RORA: variants seen among roughly 807,000 people sequenced by gnomAD.
RORA encodes the protein RAR related orphan receptor A, also known as nuclear receptor ROR-alpha.
In RORA, 7 loss-of-function variants were observed where a neutral mutation model predicts 69.5. The ratio of observed to expected loss-of-function variants is 0.10; its 90% CI spans 0.06 to 0.19. RORA has a LOEUF of 0.19. Ranked by LOEUF, RORA falls within the 10% of genes least tolerant of loss-of-function variation. The pLI, the probability that RORA is intolerant of heterozygous loss-of-function variation, is 1.00. For missense variants in RORA, 457 were observed against 663.0 expected, an observed-to-expected ratio of 0.69 and a Z score of 3.41; for synonymous variants, 261 against 240.8, an observed-to-expected ratio of 1.08 and a Z score of -0.78.
intron 2 of RORA, among the ~76,000 whole-genome samples, chr15:60,549,595 C>T (rs1269214316): frequency 1.3e-5 from 2 of 152,000 alleles, no homozygotes; most frequent in Non-Finnish European, 2.9e-5. Context: ...TTTTAAACAC[C>T]AAGGTAAATT....
chr15:60,958,509 T>C (rs193218608), intron 1 of RORA, among the ~76,000 whole-genome samples: 2 of 152,330 alleles, frequency 1.3e-5, no homozygotes, highest in Admixed American at 1.3e-4. Context: ...TTGCCTAGCG[T>C]AGATGCTCAT....
chr15:60,963,559 G>A (rs967628473), intron 1 of RORA, among the ~76,000 whole-genome samples: 4 of 152,346 alleles, frequency 2.6e-5, no homozygotes, highest in Non-Finnish European at 4.4e-5. Flanking sequence ...CCTGGACGGG[G>A]TAAGCCAATA....
chr15:60,949,235 C>A (rs765261171), intron 1 of RORA, among the ~76,000 whole-genome samples: 2 of 152,110 alleles, frequency 1.3e-5, no homozygotes, highest in South Asian at 2.1e-4. Context: ...CTGAACCCCA[C>A]GTGATTCCCA....
intron 2 of RORA, among the ~76,000 whole-genome samples, chr15:60,654,527 G>A (rs1046102640): frequency 2.6e-5 from 4 of 152,178 alleles, no homozygotes; most frequent in Non-Finnish European, 4.4e-5. Context: ...AGTAAACTGA[G>A]TAATGTGTCC....
intron 1 of RORA, among the ~76,000 whole-genome samples, chr15:61,098,373 G>A (rs575216811): frequency 1.0e-3 from 150 of 150,424 alleles, no homozygotes; most frequent in Admixed American, 2.1e-3. Context: ...ACAAGGTCTG[G>A]CTTTGTCACC....
chr15:60,979,345 GTCAGCTTGAATTTTAGGA>G (rs1893970962), intron 1 of RORA, among the ~76,000 whole-genome samples: 3 of 142,178 alleles, frequency 2.1e-5, no homozygotes, highest in South Asian at 2.2e-4. Context: ...GAATTTTAGG[GTCAGCTTGAATTTTAGGA>G]TCAGCTTGAA....
intron 1 of RORA, among the ~76,000 whole-genome samples, chr15:61,079,406 A>G (rs2078503957): frequency 6.6e-6 from 1 of 152,206 alleles, no homozygotes; most frequent in Admixed American, 6.5e-5. Context: ...TTTCTCCATG[A>G]CATAAGCCTG....
chr15:60,581,793 A>T (rs1026690125), intron 2 of RORA, among the ~76,000 whole-genome samples: 5 of 152,234 alleles, frequency 3.3e-5, no homozygotes, highest in Admixed American at 3.3e-4. Context: ...CCAAGTTTTT[A>T]AAGATGCCAG....
intron 1 of RORA, among the ~76,000 whole-genome samples, chr15:60,979,278 T>TA (rs1279162371): frequency 4.8e-5 from 2 of 41,642 alleles, no homozygotes; most frequent in South Asian, 7.4e-4. Context: ...CTTTTTTTTT[T>TA]TTTTTTTTTT....
At chr15:60,680,966 T>C (rs1451313391) in intron 1 of RORA, among the ~76,000 whole-genome samples, 3 of 152,214 alleles carry the variant, frequency 2.0e-5, no homozygotes, top group Non-Finnish European at 2.9e-5. Context: ...GTGCATGATA[T>C]TTAATTTTTT....
chr15:61,215,757 G>A (rs548200885), intron 1 of RORA, among the ~76,000 whole-genome samples: 8 of 152,140 alleles, frequency 5.3e-5, no homozygotes, highest in Non-Finnish European at 1.0e-4. Context: ...CAATATTATA[G>A]GACTGGGGTT....
intron 1 of RORA, among the ~76,000 whole-genome samples, chr15:61,114,922 G>C (rs573406967): frequency 1.0e-3 from 153 of 152,326 alleles, no homozygotes; most frequent in African/African-American, 3.6e-3. Flanking sequence ...CTCATCATTA[G>C]AGTTATGCTT....
At chr15:60,964,374 G>A (rs1893492418) in intron 1 of RORA, among the ~76,000 whole-genome samples, 1 of 152,166 alleles carries the variant, frequency 6.6e-6, no homozygotes, top group African/African-American at 2.4e-5. Context: ...CCTAGGATTC[G>A]GGTATGGCTG....
intron 2 of RORA, among the ~76,000 whole-genome samples, chr15:60,668,611 G>A (rs982009567): frequency 6.6e-6 from 1 of 152,166 alleles, no homozygotes; most frequent in African/African-American, 2.4e-5. Context: ...AGAGGCACTG[G>A]TGTTATCCTG....
rs894159920 is a variant in RORA, at chr15:60,985,619, T to A, written c.166+243434A>T. 4.7e-5 allele frequency among the ~76,000 whole-genome samples: 6 copies of A among 127,800 alleles called. No individual in the cohort carries two copies. The East Asian group carries it at 1.4e-3, about 29-fold the overall frequency. 83.8% of individuals were successfully genotyped at this position (127,800 alleles called of 152,430 possible). A position where few individuals can be genotyped will look rare whatever the true frequency, so the allele number is the denominator to read the frequency against. On this transcript the variant is annotated intron_variant, in intron 1 of 10. Coordinates refer to ENST00000335670, the MANE Select transcript of RORA (RefSeq NM_134261.3). ...TTTTTTTTTTGAGATGGGGTCTCAC[T>A]CTGTCACGAGGCTGGAGTGCAGTGG...
At chr15:60,697,015 G>C in intron 1 of RORA, among the ~76,000 whole-genome samples, 1 of 152,106 alleles carries the variant, frequency 6.6e-6, no homozygotes, top group East Asian at 1.9e-4. Flanking sequence ...TGCATTTAGG[G>C]TGGGCAACAG....
At chr15:60,988,149 G>T (rs1595863516) in intron 1 of RORA, among the ~76,000 whole-genome samples, 1 of 152,160 alleles carries the variant, frequency 6.6e-6, no homozygotes, top group Non-Finnish European at 1.5e-5. Flanking sequence ...TATTGCACAG[G>T]GCAACTAAGT....
intron 1 of RORA, among the ~76,000 whole-genome samples, chr15:61,179,600 AATCTTT>A (rs2140902475): frequency 6.6e-6 from 1 of 152,340 alleles, no homozygotes; most frequent in Non-Finnish European, 1.5e-5. Context: ...GATCCTCAAT[AATCTTT>A]AAGAGTATAA....
chr15:61,138,146 G>C (rs185949763), intron 1 of RORA, among the ~76,000 whole-genome samples: 1 of 152,284 alleles, frequency 6.6e-6, no homozygotes, highest in Admixed American at 6.5e-5. Context: ...GCTTGGAATA[G>C]GATGAGAACA....
Sources: allele counts gnomAD v4.1 joint callset (sites outside exome capture counted in the v4.1 genomes callset), GRCh38; gene constraint gnomAD v4.1.1; transcripts MANE v1.5; gene names NCBI Gene and HGNC (gene_info 2026-07-23, HGNC 2026-07-21).